Variants in ZNF844 observed in about 807,000 individuals in gnomAD.
ZNF844 encodes the protein zinc finger protein 844.
A neutral mutation model predicts 11.4 loss-of-function variants in ZNF844; 11 were observed. That is an observed-to-expected ratio of 0.97 (90% CI 0.61 to 1.60). The LOEUF is 1.60. Ranked by LOEUF, ZNF844 falls within the 40% of genes most tolerant of loss-of-function variation. The pLI, the probability that ZNF844 is intolerant of heterozygous loss-of-function variation, is 0.00. For missense variants in ZNF844, 790 were observed against 796.8 expected (o/e 0.99, Z 0.10); for synonymous variants, 248 against 260.3 (o/e 0.95, Z 0.46).
rs1467748121 is a variant in ZNF844, at chr19:12,074,015, A to G, written c.4-16A>G. On this transcript the variant is annotated splice_polypyrimidine_tract_variant and intron_variant, in intron 1 of 3. Transcript: ENST00000439326. ...CAGTCTCACCCATCCTCCTCTATAC[A>G]TGTGGGATGTTTCAGGACTTGGTGG... 2.5e-6 allele frequency: 4 copies of G among 1,609,940 alleles called. No homozygotes were observed. The highest frequency in any genetic ancestry group is 3.4e-6 in the Non-Finnish European group (4 of 1,177,536).
At position 12,078,821 on chromosome 19, in the gene ZNF844, A is replaced by G. The variant is rs939067799; in HGVS notation, c.*1700A>G. ...TGAGTGGCATTGAAACCCACATGGT[A>G]TTGCACATGACAGATAGGCCTCTCT... On this transcript the variant is annotated 3_prime_UTR_variant, in exon 4 of 4. Transcript: ENST00000439326. 3 of 152,316 alleles carry G rather than the reference A, an allele frequency of 2.0e-5. No homozygotes were observed. Among genetic ancestry groups the G allele is most frequent in the Non-Finnish European group, 2.9e-5 (2 of 68,066 alleles). The allele number at this position is 152,316 out of a possible 1,614,324, so 9.4% of individuals were successfully genotyped here.
At chr19:12,074,260 A>T (rs1017650071) in intron 2 of ZNF844, 101 bp from the exon 3 acceptor site, 26 of 1,549,516 alleles carry the variant, frequency 1.7e-5, no homozygotes, top group Non-Finnish European at 2.2e-5. Flanking sequence ...ACTTTGATGA[A>T]TAAATGAGGT....
At chr19:12,065,905 G>T (rs1670085280) in intron 1 of ZNF844, among the ~76,000 whole-genome samples, 1 of 151,932 alleles carries the variant, frequency 6.6e-6, no homozygotes, top group South Asian at 2.1e-4. Flanking sequence ...AAAGGGCTAG[G>T]ATTACAGGCG....
intron 1 of ZNF844, among the ~76,000 whole-genome samples, chr19:12,068,983 G>C (rs1975722028): frequency 1.3e-5 from 2 of 152,068 alleles, no homozygotes; most frequent in Non-Finnish European, 2.9e-5. Flanking sequence ...TGACCCAGCT[G>C]CTCACACTGA....
chr19:12,076,852 C>A lies in ZNF844; in HGVS notation c.1732C>A (p.Gln578Lys), dbSNP rs1462552900. 1.9e-6 allele frequency: 3 copies of A among 1,561,918 alleles called. No homozygotes were observed. The East Asian group carries it at 7.3e-5, about 38-fold the overall frequency. The change falls in exon 4 of 4, where the codon CAA becomes AAA. Residue 578 changes from glutamine to lysine, a missense_variant. Physicochemically the swap from Gln to Lys is moderately conservative, Grantham distance 53 (BLOSUM62 1). Coordinates refer to ENST00000439326, the MANE Select transcript of ZNF844 (RefSeq NM_001136501.3). ...TISLPFKYMQ[Q>K]CTEDRMPMNV... The stretch of plus-strand genomic sequence containing the variant: ...TTCTCTTCCTTTCAAATACATGCAA[C>A]AATGCACAGAGGACAGAATGCCTAT...
chr19:12,075,531 A>C lies in ZNF844; in HGVS notation c.411A>C (p.Gly137=), dbSNP rs1297286697. Residue 137 remains glycine, a synonymous_variant, in exon 4 of 4, where the codon GGA becomes GGC. Coordinates refer to ENST00000439326, the MANE Select transcript of ZNF844 (RefSeq NM_001136501.3). The part of the protein sequence containing the change: ...AHKPSEYQEY[G]QEPYKCQQRK... ...AGCCGTCTGAGTATCAGGAATATGG[A>C]CAGGAGCCATATAAGTGTCAACAAC... 1 of 1,614,054 alleles carries C rather than the reference A, an allele frequency of 6.2e-7. No homozygotes were observed. Among genetic ancestry groups the C allele is most frequent in the Non-Finnish European group, 8.5e-7 (1 of 1,179,990 alleles).
At chr19:12,068,714 CTGAAA>C (rs1446291854) in intron 1 of ZNF844, among the ~76,000 whole-genome samples, 7 of 152,306 alleles carry the variant, frequency 4.6e-5, no homozygotes, top group African/African-American at 1.4e-4. Flanking sequence ...TGTGTATTGT[CTGAAA>C]TGATTAGATA....
Position 12,075,596 on chromosome 19 carries a change from A to C in ZNF844, c.476A>C (p.Gln159Pro). 1 of 1,614,030 alleles carries C rather than the reference A, an allele frequency of 6.2e-7. No individual in the cohort carries two copies. The highest frequency in any genetic ancestry group is 2.2e-5 in the East Asian group (1 of 44,872). The change falls in exon 4 of 4, where the codon CAA (glutamine) becomes CCA (proline). Residue 159 changes from glutamine (Q) to proline (P), a missense_variant. Around this residue, in one of 3 missense-constraint regions of ZNF844, gnomAD observed 657 missense variants for 636.2 expected, o/e 1.03. Coordinates refer to ENST00000439326, the MANE Select transcript of ZNF844 (RefSeq NM_001136501.3). ...AGATGTCACCCCTCCTTTCAAATGC[A>C]AGAAAAGGCTCACACTGGAGAAAAA... Reference protein sequence around the residue: ...AFRCHPSFQMQEKAHTGEKLY... With the variant: ...AFRCHPSFQMPEKAHTGEKLY...
At chr19:12,073,901 G>A (rs1975778267) in intron 1 of ZNF844, 130 bp from the exon 2 acceptor site, 6 of 1,221,976 alleles carry the variant, frequency 4.9e-6, no homozygotes. Context: ...GAGAGTAATG[G>A]GTCAGATGAC....
Position 12,080,415 on chromosome 19 carries a change from C to G in ZNF844, c.*3294C>G, listed in dbSNP as rs2145553177. The G allele has an allele frequency of 8.0e-6, 3 of 374,884 alleles. No individual in the cohort carries two copies. The allele number at this position is 374,884 out of a possible 1,614,324, so 23.2% of individuals were successfully genotyped here. A position where few individuals can be genotyped will look rare whatever the true frequency, so the allele number is the denominator to read the frequency against. Reference sequence around the variant, plus strand: ...ATTTAGAAATGGAGTTGGAGGATGTCATAATACAATTCACCAGTGTCCTAT... The same window carrying G: ...ATTTAGAAATGGAGTTGGAGGATGTGATAATACAATTCACCAGTGTCCTAT... On this transcript the variant is annotated 3_prime_UTR_variant, in exon 4 of 4. Coordinates refer to ENST00000439326, the MANE Select transcript of ZNF844 (RefSeq NM_001136501.3).
At chr19:12,070,949 G>C (rs545522900) in intron 1 of ZNF844, among the ~76,000 whole-genome samples, 1 of 151,998 alleles carries the variant, frequency 6.6e-6, no homozygotes, top group Non-Finnish European at 1.5e-5. Flanking sequence ...TATCAAGTTG[G>C]GGGGCATTCT....
At chr19:12,070,064 C>T (rs1485939845) in intron 1 of ZNF844, 1 of 148,568 alleles carries the variant, frequency 6.7e-6, no homozygotes, top group Admixed American at 6.7e-5. Context: ...TCGAGACCTG[C>T]CTGGGCAATA....
rs1975859556 is a variant in ZNF844, at chr19:12,078,708, G to A, written c.*1587G>A. The A allele has an allele frequency of 6.6e-6, 1 of 152,190 alleles. No individual in the cohort carries two copies. The highest frequency in any genetic ancestry group is 1.5e-5 in the Non-Finnish European group (1 of 68,010). 9.4% of individuals were successfully genotyped at this position (152,190 alleles called of 1,614,324 possible). On this transcript the variant is annotated 3_prime_UTR_variant, in exon 4 of 4. Coordinates refer to ENST00000439326, the MANE Select transcript of ZNF844 (RefSeq NM_001136501.3). The stretch of plus-strand genomic sequence containing the variant: ...TGCCATATCCCACAGTGGCATACCT[G>A]TCTTCAAAGAGGGTATAATTCACAA...
chr19:12,074,028 C>T lies in ZNF844; in HGVS notation c.4-3C>T. 2.5e-6 allele frequency: 4 copies of T among 1,611,714 alleles called. No homozygotes were observed. The highest frequency in any genetic ancestry group is 2.5e-6 in the Non-Finnish European group (3 of 1,178,554). On this transcript the variant is annotated splice_region_variant and splice_polypyrimidine_tract_variant and intron_variant, in intron 1 of 3. Coordinates refer to ENST00000439326, the MANE Select transcript of ZNF844 (RefSeq NM_001136501.3). The stretch of plus-strand genomic sequence containing the variant: ...CCTCCTCTATACATGTGGGATGTTT[C>T]AGGACTTGGTGGCTTTCGAGGATGT...
intron 1 of ZNF844, among the ~76,000 whole-genome samples, chr19:12,069,985 G>T (rs1223576751): frequency 6.6e-6 from 1 of 150,766 alleles, no homozygotes; most frequent in Admixed American, 6.6e-5. Flanking sequence ...GGCCGGGCGC[G>T]GTGGCTCATG....
chr19:12,064,897 G>A, intron 1 of ZNF844, 21 bp downstream of exon 1: 1 of 1,548,750 alleles, frequency 6.5e-7, no homozygotes, highest in Non-Finnish European at 8.7e-7. Flanking sequence ...GCCCCCGCTG[G>A]GAGTCCCGAG....
At chr19:12,073,257 T>G (rs533647108) in intron 1 of ZNF844, among the ~76,000 whole-genome samples, 1 of 152,164 alleles carries the variant, frequency 6.6e-6, no homozygotes, top group African/African-American at 2.4e-5. Flanking sequence ...CCTGCCAGGT[T>G]AAAGCAATTC....
chr19:12,075,043 G>A (rs938858463), intron 3 of ZNF844, among the ~76,000 whole-genome samples: 3 of 152,012 alleles, frequency 2.0e-5, no homozygotes, highest in African/African-American at 7.3e-5. Flanking sequence ...CACTTTCCTG[G>A]ATAATGTTGA....
chr19:12,069,969 A>AG (rs1167364840), intron 1 of ZNF844, among the ~76,000 whole-genome samples: 1 of 151,264 alleles, frequency 6.6e-6, no homozygotes, highest in Admixed American at 6.6e-5. Flanking sequence ...AAAAAAAAAA[A>AG]AAAGAGGCCG....
Sources: allele counts gnomAD v4.1 joint callset (sites outside exome capture counted in the v4.1 genomes callset), GRCh38; gene constraint gnomAD v4.1.1; regional missense constraint gnomAD v4.1.1; transcripts MANE v1.5; gene names NCBI Gene and HGNC (gene_info 2026-07-23, HGNC 2026-07-21).